Variants in AHDC1 observed in about 807,000 individuals in gnomAD.
AHDC1 encodes the protein AT-hook DNA binding motif containing 1, also known as transcription factor Gibbin.
A neutral mutation model predicts 87.9 loss-of-function variants in AHDC1; 7 were observed. The observed-to-expected ratio is 0.08, with a 90% CI of 0.05 to 0.15. AHDC1 has a LOEUF of 0.15. Ranked by LOEUF, AHDC1 falls within the 10% of genes least tolerant of loss-of-function variation. The pLI is 1.00. For synonymous variants in AHDC1, 1,051 were observed against 1,006.8 expected, an observed-to-expected ratio of 1.04 and a Z score of -0.83; for missense variants, 1,841 against 2,253.2, an observed-to-expected ratio of 0.82 and a Z score of 3.70.
chr1:27,595,924 G>A lies in AHDC1; in HGVS notation c.-629+7473C>T, dbSNP rs912261462. 6.6e-6 allele frequency among the ~76,000 whole-genome samples: 1 copy of A among 151,902 alleles called. No homozygotes were observed. Among genetic ancestry groups the A allele is most frequent in the Non-Finnish European group, 1.5e-5 (1 of 67,954 alleles). ...TGTGTGTGTGGAAGTGTGTGGGCTG[G>A]GTGTTGTAGGTGGAGCAGTTGTGTT... is the stretch of plus-strand genomic sequence containing the variant. On this transcript the variant is annotated intron_variant, in intron 3 of 8. Transcript: ENST00000673934. This position sits in a 1 kb window ranked among gnomAD's most constrained non-coding sequence, Gnocchi z 4.0.
At chr1:27,576,920 T>G (rs2088769869) in intron 3 of AHDC1, among the ~76,000 whole-genome samples, 1 of 152,014 alleles carries the variant, frequency 6.6e-6, no homozygotes, top group Non-Finnish European at 1.5e-5. Context: ...CACACACACA[T>G]ATATACAGTG....
chr1:27,595,121 C>T lies in AHDC1; in HGVS notation c.-629+8276G>A, dbSNP rs530358368. On this transcript the variant is annotated intron_variant, in intron 3 of 8. Transcript: ENST00000673934. The surrounding 1 kb of genome is among the most constrained non-coding windows in gnomAD (Gnocchi z 4.0). ...TGATCTGTTAGAGATATACTAGAAC[C>T]GAAGCCATGTCTGTGTGTTTGAGGC... Among the ~76,000 whole-genome samples, 15 of 152,106 alleles carry T rather than the reference C, an allele frequency of 9.9e-5. No homozygotes were observed. The highest frequency in any genetic ancestry group is 2.9e-4 in the African/African-American group (12 of 41,452).
intron 8 of AHDC1, among the ~76,000 whole-genome samples, chr1:27,542,315 G>A (rs1427631940): frequency 2.0e-5 from 3 of 152,158 alleles, no homozygotes; most frequent in Non-Finnish European, 4.4e-5. Flanking sequence ...AATTGCTAAC[G>A]CAAAGAACTA....
chr1:27,601,586 A>G (rs866091493), intron 3 of AHDC1, among the ~76,000 whole-genome samples: 1 of 152,232 alleles, frequency 6.6e-6, no homozygotes, highest in Non-Finnish European at 1.5e-5. Flanking sequence ...AAATGAATTC[A>G]ACTTACTATC....
At chr1:27,556,065 T>G (rs1017653670) in intron 5 of AHDC1, among the ~76,000 whole-genome samples, 2 of 152,156 alleles carry the variant, frequency 1.3e-5, no homozygotes, top group Admixed American at 6.5e-5. Context: ...GTTGGGTCAG[T>G]GTGTCTGAGC....
chr1:27,577,807 G>A (rs1204444809), intron 3 of AHDC1, among the ~76,000 whole-genome samples: 1 of 152,182 alleles, frequency 6.6e-6, no homozygotes, highest in Non-Finnish European at 1.5e-5. Context: ...AGACTGAGGT[G>A]ACACTGGGAT....
intron 3 of AHDC1, among the ~76,000 whole-genome samples, chr1:27,578,960 T>G (rs1251008471): frequency 6.6e-6 from 1 of 151,958 alleles, no homozygotes; most frequent in Non-Finnish European, 1.5e-5. Context: ...CCTCCCAAAG[T>G]GCTGGGATTA....
At chr1:27,542,924 G>A (rs1048553080) in intron 8 of AHDC1, among the ~76,000 whole-genome samples, 1 of 152,242 alleles carries the variant, frequency 6.6e-6, no homozygotes, top group Non-Finnish European at 1.5e-5. Flanking sequence ...GGAAGAACTT[G>A]TGCCCAGAAG....
At chr1:27,594,301 C>T (rs2089305656) in intron 3 of AHDC1, among the ~76,000 whole-genome samples, 1 of 152,076 alleles carries the variant, frequency 6.6e-6, no homozygotes, top group Non-Finnish European at 1.5e-5. Flanking sequence ...AAGCCCCAGG[C>T]CCCATGTCCC....
rs991726350 is a variant in AHDC1 at position 27,558,850 on chromosome 1, A to G, written c.-595T>C. The G allele has an allele frequency of 2.5e-6, 1 of 398,692 alleles. No individual in the cohort carries two copies. The highest frequency in any genetic ancestry group is 4.4e-6 in the Non-Finnish European group (1 of 226,110). The allele number at this position is 398,692 out of a possible 1,614,324, so 24.7% of individuals were successfully genotyped here. A position where few individuals can be genotyped will look rare whatever the true frequency, so the allele number is the denominator to read the frequency against. ...CTCAACTGGGTGGGCTCTGGGGTCC[A>G]GGCCGATGGGTTGACAATCAGGCAA... On this transcript the variant is annotated 5_prime_UTR_variant, in exon 4 of 9. Transcript: ENST00000673934. This position sits in a 1 kb window ranked among gnomAD's most constrained non-coding sequence, Gnocchi z 5.6.
At chr1:27,569,297 T>TA (rs2020466725) in intron 3 of AHDC1, among the ~76,000 whole-genome samples, 2 of 152,162 alleles carry the variant, frequency 1.3e-5, no homozygotes, top group Admixed American at 1.3e-4. Context: ...ACTGAGCACT[T>TA]ACTCTGTGCC....
In AHDC1 at chr1:27,593,639, T is replaced by C. The variant is rs954789818; in HGVS notation, c.-629+9758A>G. ...TATGTGCAAACACCCCCGGTGGGTCTTGGCATGCCTGCCCATGGGCTTTGC... is the reference window on the plus strand; with the variant it reads ...TATGTGCAAACACCCCCGGTGGGTCCTGGCATGCCTGCCCATGGGCTTTGC... On this transcript the variant is annotated intron_variant, in intron 3 of 8. Coordinates refer to ENST00000673934, the MANE Select transcript of AHDC1 (RefSeq NM_001371928.1). The surrounding 1 kb of genome is among the most constrained non-coding windows in gnomAD (Gnocchi z 4.9). Among the ~76,000 whole-genome samples the C allele has an allele frequency of 6.6e-6, 1 of 152,208 alleles. No individual in the cohort carries two copies. The highest frequency in any genetic ancestry group is 1.5e-5 in the Non-Finnish European group (1 of 68,026).
chr1:27,572,512 C>T (rs545644397), intron 3 of AHDC1, among the ~76,000 whole-genome samples: 43 of 152,294 alleles, frequency 2.8e-4, no homozygotes, highest in African/African-American at 1.0e-3. Context: ...TGGACAGCTA[C>T]ACGTCCGTAC....
intron 8 of AHDC1, among the ~76,000 whole-genome samples, chr1:27,543,738 T>A (rs2019031792): frequency 6.6e-6 from 1 of 150,954 alleles, no homozygotes; most frequent in Non-Finnish European, 1.5e-5. Context: ...AGGTCAGGAG[T>A]TCGAGAACAG....
At chr1:27,576,465 G>C (rs1434644924) in intron 3 of AHDC1, among the ~76,000 whole-genome samples, 1 of 152,210 alleles carries the variant, frequency 6.6e-6, no homozygotes, top group Non-Finnish European at 1.5e-5. Flanking sequence ...TGCATTATTA[G>C]CATGCGCTAA....
In AHDC1 at chr1:27,565,429, C is replaced by T. The variant is rs2020275355; in HGVS notation, c.-628-6546G>A. The stretch of plus-strand genomic sequence containing the variant: ...GGAAGGACAGAGGCCACTGCCCAGA[C>T]TGGGAGGGCGGGCCAGACAGCAGGG... On this transcript the variant is annotated intron_variant, in intron 3 of 8. Transcript: ENST00000673934. This position sits in a 1 kb window ranked among gnomAD's most constrained non-coding sequence, Gnocchi z 4.6. 6.6e-6 allele frequency among the ~76,000 whole-genome samples: 1 copy of T among 152,186 alleles called. No individual in the cohort carries two copies. Among genetic ancestry groups the T allele is most frequent in the East Asian group, 1.9e-4 (1 of 5,186 alleles).
At chr1:27,539,408 T>C (rs1005756554) in intron 8 of AHDC1, among the ~76,000 whole-genome samples, 7 of 151,280 alleles carry the variant, frequency 4.6e-5, no homozygotes, top group Admixed American at 1.3e-4. Flanking sequence ...AAGTGCTGGA[T>C]TGCAGGCGTG....
intron 8 of AHDC1, among the ~76,000 whole-genome samples, chr1:27,546,562 C>T (rs1419097057): frequency 6.6e-6 from 1 of 152,220 alleles, no homozygotes. Context: ...CCCCAGCACC[C>T]CTTCTCCACT....
rs528454042 is a variant in AHDC1 at position 27,534,419 on chromosome 1, G to A, written c.*541C>T. The A allele has an allele frequency of 6.6e-6, 1 of 151,834 alleles. No individual in the cohort carries two copies. The highest frequency in any genetic ancestry group is 2.1e-4 in the South Asian group (1 of 4,796). The allele number at this position is 151,834 out of a possible 1,614,324, so 9.4% of individuals were successfully genotyped here. A position where few individuals can be genotyped will look rare whatever the true frequency, so the allele number is the denominator to read the frequency against. ...AAGAAAAAAAAAGCTCCCGCAAGAG[G>A]TTCTTCTCCCTCCCCCCCACCATGC... On this transcript the variant is annotated 3_prime_UTR_variant, in exon 9 of 9. Transcript: ENST00000673934.
Sources: allele counts gnomAD v4.1 joint callset (sites outside exome capture counted in the v4.1 genomes callset), GRCh38; gene constraint gnomAD v4.1.1; non-coding constraint Gnocchi (gnomAD v3.1); transcripts MANE v1.5; gene names NCBI Gene and HGNC (gene_info 2026-07-23, HGNC 2026-07-21).